PPFIBP1: variants seen among roughly 807,000 people sequenced by gnomAD.
The protein encoded by PPFIBP1 is liprin-beta-1.
Under a neutral mutation model 137.8 loss-of-function variants are expected in PPFIBP1, and 112 were observed. The ratio of observed to expected loss-of-function variants is 0.81; its 90% confidence interval spans 0.70 to 0.95. The LOEUF is 0.95. Among genes scored for constraint, PPFIBP1 ranks in the 40% least tolerant of loss-of-function variants. The pLI is 0.00. For synonymous variants in PPFIBP1, 378 were observed against 417.3 expected, an observed-to-expected ratio of 0.91 and a Z score of 1.15; for missense variants, 1,083 against 1,196.6, an observed-to-expected ratio of 0.91 and a Z score of 1.40.
At chr12:27,638,762 C>T (rs1423396554) in intron 4 of PPFIBP1, among the ~76,000 whole-genome samples, 2 of 152,150 alleles carry the variant, frequency 1.3e-5, no homozygotes, top group Admixed American at 1.3e-4. Context: ...TGAAAGAGTA[C>T]AAACATTCCT....
chr12:27,614,443 T>C (rs549872045), intron 2 of PPFIBP1, among the ~76,000 whole-genome samples: 117 of 152,158 alleles, frequency 7.7e-4, no homozygotes, highest in Non-Finnish European at 1.5e-3. Flanking sequence ...TGCTTACACA[T>C]TGAGGCCTTC....
At chr12:27,591,846 G>A (rs1766311161) in intron 2 of PPFIBP1, among the ~76,000 whole-genome samples, 2 of 152,164 alleles carry the variant, frequency 1.3e-5, no homozygotes, top group African/African-American at 4.8e-5. Flanking sequence ...TATCAGAACT[G>A]CTGTCTGATC....
At chr12:27,577,033 T>C (rs954225645) in intron 1 of PPFIBP1, among the ~76,000 whole-genome samples, 1 of 152,150 alleles carries the variant, frequency 6.6e-6, no homozygotes, top group Non-Finnish European at 1.5e-5. Flanking sequence ...TTGGTGTGTA[T>C]ATATGGGCCA....
At chr12:27,590,995 A>G (rs2052438193) in intron 2 of PPFIBP1, among the ~76,000 whole-genome samples, 2 of 152,068 alleles carry the variant, frequency 1.3e-5, no homozygotes, top group South Asian at 2.1e-4. Flanking sequence ...TTAGAACTCA[A>G]TGTTTACCCA....
chr12:27,554,282 G>T (rs1947063194), intron 1 of PPFIBP1, among the ~76,000 whole-genome samples: 1 of 152,208 alleles, frequency 6.6e-6, no homozygotes, highest in African/African-American at 2.4e-5. Flanking sequence ...TCAGCCTAGT[G>T]AAGCTGTTCC....
At chr12:27,644,340 C>T (rs3829316) in intron 4 of PPFIBP1, among the ~76,000 whole-genome samples, 13,160 of 150,566 alleles carry the variant, frequency 0.087, 729 homozygotes, top group East Asian at 0.13. Flanking sequence ...CTCAGCCTCC[C>T]GAAGTGCTGG....
intron 5 of PPFIBP1, among the ~76,000 whole-genome samples, chr12:27,646,569 A>G (rs1472822327): frequency 6.6e-6 from 1 of 152,016 alleles, no homozygotes; most frequent in African/African-American, 2.4e-5. Context: ...GTATATTTTA[A>G]TATATAGCAG....
chr12:27,683,225 A>G (rs2140405132), intron 24 of PPFIBP1, among the ~76,000 whole-genome samples: 1 of 151,952 alleles, frequency 6.6e-6, no homozygotes, highest in Middle Eastern at 3.4e-3. Context: ...CACCATACCC[A>G]GCTAATTTTT....
At chr12:27,577,226 T>A (rs866504539) in intron 1 of PPFIBP1, among the ~76,000 whole-genome samples, 8 of 150,960 alleles carry the variant, frequency 5.3e-5, no homozygotes, top group Admixed American at 2.7e-4. Flanking sequence ...TTTTTTTTTT[T>A]AATAAAAAAT....
intron 2 of PPFIBP1, among the ~76,000 whole-genome samples, chr12:27,587,785 G>A (rs9971930): frequency 0.11 from 16,719 of 151,828 alleles, 1,146 homozygotes; most frequent in Admixed American, 0.2. Flanking sequence ...AAAGTAAGTT[G>A]CAGATATCAT....
chr12:27,558,666 C>T (rs1025309559), intron 1 of PPFIBP1, among the ~76,000 whole-genome samples: 4 of 151,636 alleles, frequency 2.6e-5, no homozygotes, highest in Admixed American at 6.6e-5. Flanking sequence ...ATAAATTATG[C>T]GTATGTTTGA....
intron 8 of PPFIBP1, among the ~76,000 whole-genome samples, chr12:27,655,505 A>G (rs1005042571): frequency 6.6e-6 from 1 of 152,224 alleles, no homozygotes; most frequent in African/African-American, 2.4e-5. Flanking sequence ...AAGCCTAGTA[A>G]AATAATTGTA....
intron 1 of PPFIBP1, chr12:27,548,040 G>A (rs100877): frequency 0.62 from 94,189 of 152,028 alleles, 29,303 homozygotes; most frequent in East Asian, 0.72. Flanking sequence ...GCAAAACTGA[G>A]GGAAGAGATT....
intron 1 of PPFIBP1, among the ~76,000 whole-genome samples, chr12:27,544,010 G>C (rs996259616): frequency 2.0e-5 from 3 of 151,340 alleles, no homozygotes; most frequent in Admixed American, 6.6e-5. Flanking sequence ...CTCTCAAGTA[G>C]CTGGGATTAC....
At chr12:27,546,157 T>A (rs1177300299) in intron 1 of PPFIBP1, among the ~76,000 whole-genome samples, 5 of 152,168 alleles carry the variant, frequency 3.3e-5, no homozygotes, top group Non-Finnish European at 7.3e-5. Context: ...TTGGTACACA[T>A]GCCTGGAGAA....
At chr12:27,662,436 G>C (rs1331146792) in intron 11 of PPFIBP1, among the ~76,000 whole-genome samples, 1 of 152,242 alleles carries the variant, frequency 6.6e-6, no homozygotes. Context: ...TCTGGTAGCA[G>C]AATGGGAGAG....
intron 4 of PPFIBP1, 81 bp from the exon 5 acceptor site, chr12:27,645,981 A>C (rs1024817441): frequency 4.6e-6 from 5 of 1,075,478 alleles, no homozygotes; most frequent in Non-Finnish European, 7.0e-6. Context: ...CCTTGGACTA[A>C]GAACACTTGT....
intron 13 of PPFIBP1, among the ~76,000 whole-genome samples, chr12:27,668,861 T>C (rs533153246): frequency 6.6e-6 from 1 of 152,232 alleles, no homozygotes; most frequent in South Asian, 2.1e-4. Context: ...TTGATTCTAG[T>C]CTAGTCCATC....
In PPFIBP1 at chr12:27,692,969, G is replaced by T. The variant is rs2061643512; in HGVS notation, c.*87G>T. ...CTCACAGTATATACAACAGGCAGCG[G>T]ATTGTCTATTGTTTGTTGTTCCAAC... On this transcript the variant is annotated 3_prime_UTR_variant, in exon 30 of 30. Transcript: ENST00000228425. 2 of 1,538,858 alleles carry T rather than the reference G, an allele frequency of 1.3e-6. No individual in the cohort carries two copies. The highest frequency in any genetic ancestry group is 1.7e-6 in the Non-Finnish European group (2 of 1,142,966).
Sources: allele counts gnomAD v4.1 joint callset (sites outside exome capture counted in the v4.1 genomes callset), GRCh38; gene constraint gnomAD v4.1.1; transcripts MANE v1.5; gene names NCBI Gene and HGNC (gene_info 2026-07-23, HGNC 2026-07-21).